Variants in MACROD2 observed in about 807,000 individuals in gnomAD.
MACROD2 encodes the protein mono-ADP ribosylhydrolase 2.
MACROD2 carries 36 observed loss-of-function variants against 70.4 expected under a neutral mutation model. The ratio of observed to expected loss-of-function variants is 0.51; its 90% CI spans 0.39 to 0.68. The LOEUF (loss-of-function observed/expected upper bound fraction) is 0.68. Ranked by LOEUF, MACROD2 falls within the 30% of genes least tolerant of loss-of-function variation. The pLI, the probability that MACROD2 is intolerant of heterozygous loss-of-function variation, is 0.00. For synonymous variants in MACROD2, 172 were observed against 178.8 expected, an observed-to-expected ratio of 0.96 and a Z score of 0.30; for missense variants, 496 against 538.4, an observed-to-expected ratio of 0.92 and a Z score of 0.78.
intron 3 of MACROD2, among the ~76,000 whole-genome samples, chr20:14,303,621 G>A (rs186605627): frequency 6.6e-6 from 1 of 152,270 alleles, no homozygotes; most frequent in Admixed American, 6.5e-5. Flanking sequence ...AAGCCCTTCA[G>A]CTGACCCGTT....
intron 3 of MACROD2, among the ~76,000 whole-genome samples, chr20:14,136,325 C>T (rs374362503): frequency 8.5e-5 from 13 of 152,088 alleles, no homozygotes; most frequent in East Asian, 5.8e-4. Flanking sequence ...TGGAGTTAGC[C>T]GGGGGCAGTG....
chr20:15,057,992 G>A (rs2075500465), intron 5 of MACROD2, among the ~76,000 whole-genome samples: 1 of 152,114 alleles, frequency 6.6e-6, no homozygotes, highest in Non-Finnish European at 1.5e-5. Flanking sequence ...GACAATCATG[G>A]TCTCAATTTA....
At chr20:14,046,192 C>T (rs2053471974) in intron 2 of MACROD2, among the ~76,000 whole-genome samples, 1 of 152,070 alleles carries the variant, frequency 6.6e-6, no homozygotes, top group African/African-American at 2.4e-5. Flanking sequence ...TTTTTAGCAG[C>T]CAGAAACAGA....
At chr20:14,095,854 C>T (rs2054216798) in intron 3 of MACROD2, among the ~76,000 whole-genome samples, 2 of 152,174 alleles carry the variant, frequency 1.3e-5, no homozygotes, top group Admixed American at 1.3e-4. Context: ...ACATGGCCTA[C>T]TGAAGTGTAG....
chr20:14,175,554 T>A (rs529049770), intron 3 of MACROD2, among the ~76,000 whole-genome samples: 2 of 152,302 alleles, frequency 1.3e-5, no homozygotes, highest in East Asian at 3.9e-4. Flanking sequence ...TTGCCCCTCA[T>A]GTGAGACAGG....
intron 7 of MACROD2, among the ~76,000 whole-genome samples, chr20:15,456,644 C>T (rs777224666): frequency 2.0e-5 from 3 of 152,094 alleles, no homozygotes; most frequent in South Asian, 2.1e-4. Flanking sequence ...AAGCAGCTGC[C>T]GGGGAAGTTG....
chr20:14,282,653 T>C (rs1359253230), intron 3 of MACROD2, among the ~76,000 whole-genome samples: 1 of 152,154 alleles, frequency 6.6e-6, no homozygotes, highest in African/African-American at 2.4e-5. Context: ...GTAGGCTTTG[T>C]GGGAAGCGTG....
chr20:14,873,704 C>CA (rs2073515536), intron 5 of MACROD2, among the ~76,000 whole-genome samples: 1 of 151,796 alleles, frequency 6.6e-6, no homozygotes, highest in Non-Finnish European at 1.5e-5. Context: ...ACTAAAAATA[C>CA]AAAAATTAGC....
chr20:15,292,726 T>C (rs558791297), intron 6 of MACROD2, among the ~76,000 whole-genome samples: 2 of 152,338 alleles, frequency 1.3e-5, no homozygotes, highest in East Asian at 3.9e-4. Context: ...TACATCATTA[T>C]TATAAAGTAT....
At chr20:15,780,696 G>A (rs941608443) in intron 8 of MACROD2, among the ~76,000 whole-genome samples, 18 of 152,102 alleles carry the variant, frequency 1.2e-4, no homozygotes, top group African/African-American at 4.3e-4. Context: ...TTCATTGGGA[G>A]GCTTCTGTAG....
intron 8 of MACROD2, among the ~76,000 whole-genome samples, chr20:15,524,571 G>T (rs781723113): frequency 1.3e-5 from 2 of 152,124 alleles, no homozygotes; most frequent in Non-Finnish European, 2.9e-5. Flanking sequence ...TGTTCTAGGT[G>T]AATGATGCGT....
At chr20:14,000,107 G>A (rs1330215807) in intron 1 of MACROD2, among the ~76,000 whole-genome samples, 1 of 152,126 alleles carries the variant, frequency 6.6e-6, no homozygotes, top group African/African-American at 2.4e-5. Context: ...TTTCCTATTT[G>A]TGCCCACTTC....
intron 6 of MACROD2, among the ~76,000 whole-genome samples, chr20:15,354,815 G>T (rs936099025): frequency 4.6e-5 from 7 of 152,104 alleles, no homozygotes; most frequent in African/African-American, 1.4e-4. Context: ...AAGAAAAATT[G>T]CTTATATTCA....
intron 5 of MACROD2, among the ~76,000 whole-genome samples, chr20:15,221,951 A>G (rs986014151): frequency 1.3e-5 from 2 of 152,204 alleles, no homozygotes; most frequent in Non-Finnish European, 1.5e-5. Flanking sequence ...GTTGCTGTGT[A>G]TGTAACCTTA....
chr20:14,668,954 AG>A (rs2066430012), intron 4 of MACROD2, among the ~76,000 whole-genome samples: 1 of 152,168 alleles, frequency 6.6e-6, no homozygotes, highest in African/African-American at 2.4e-5. Context: ...GAAAATAATT[AG>A]GTCTTTGCTA....
At chr20:15,774,532 A>G (rs1449732203) in intron 8 of MACROD2, among the ~76,000 whole-genome samples, 1 of 152,074 alleles carries the variant, frequency 6.6e-6, no homozygotes, top group Non-Finnish European at 1.5e-5. Context: ...GAGCTGGTAA[A>G]GGTCTGCTTC....
chr20:15,645,591 A>C (rs911261018), intron 8 of MACROD2, among the ~76,000 whole-genome samples: 2 of 152,184 alleles, frequency 1.3e-5, no homozygotes, highest in Non-Finnish European at 2.9e-5. Flanking sequence ...GGCAGAGGAG[A>C]GATGAATATT....
At chr20:16,016,561 G>C (rs527659908) in intron 15 of MACROD2, among the ~76,000 whole-genome samples, 39 of 152,122 alleles carry the variant, frequency 2.6e-4, no homozygotes, top group African/African-American at 9.4e-4. Context: ...GTTTGTTTTT[G>C]GTTTACTCTT....
At chr20:14,912,596 A>G (rs2074041193) in intron 5 of MACROD2, among the ~76,000 whole-genome samples, 2 of 152,188 alleles carry the variant, frequency 1.3e-5, no homozygotes. Flanking sequence ...GACTTCAGAC[A>G]GTAATCATTG....
Sources: gnomAD v4.1 joint callset for allele counts (sites outside exome capture counted in the v4.1 genomes callset) on GRCh38, gnomAD v4.1.1 for gene constraint, MANE v1.5 for transcripts, NCBI Gene and HGNC (gene_info 2026-07-23, HGNC 2026-07-21) for gene names.